Variants in SLC9A3 observed in about 807,000 individuals in gnomAD.
SLC9A3 encodes solute carrier family 9 member A3.
Under a neutral mutation model 86.8 loss-of-function variants are expected in SLC9A3, and 37 were observed. The ratio of observed to expected loss-of-function variants is 0.43; its 90% CI spans 0.33 to 0.56. The LOEUF (loss-of-function observed/expected upper bound fraction) is 0.56. Among genes scored for constraint, SLC9A3 ranks in the 20% least tolerant of loss-of-function variants. The pLI is 0.06. For missense variants in SLC9A3, 1,011 were observed against 1,171.9 expected, an observed-to-expected ratio of 0.86 and a Z score of 2.00; for synonymous variants, 581 against 528.3, an observed-to-expected ratio of 1.10 and a Z score of -1.37.
chr5:476,921 T>C (rs1351608110), intron 11 of SLC9A3, among the ~76,000 whole-genome samples: 3 of 152,234 alleles, frequency 2.0e-5, no homozygotes, highest in African/African-American at 4.8e-5. Flanking sequence ...CTTTCCTTAC[T>C]GGTCCCTCTC....
chr5:522,144 G>C lies in SLC9A3; in HGVS notation c.211+1968C>G, dbSNP rs139291953. 3.9e-3 allele frequency among the ~76,000 whole-genome samples: 601 copies of C among 152,266 alleles called. 1 individual carries two copies. The highest frequency in any genetic ancestry group is 5.9e-3 in the Non-Finnish European group (401 of 68,010). ...CCTTCCCAGGTGGAGCCAACAATCC[G>C]AGACAAAGACAGCCGCTGAGTGCTA... On this transcript the variant is annotated intron_variant, in intron 1 of 16. Coordinates refer to ENST00000264938, the MANE Select transcript of SLC9A3 (RefSeq NM_004174.4).
chr5:496,668 G>A lies in SLC9A3; in HGVS notation c.212-4597C>T, dbSNP rs1740034305. 6.6e-6 allele frequency among the ~76,000 whole-genome samples: 1 copy of A among 152,038 alleles called. No homozygotes were observed. Among genetic ancestry groups the A allele is most frequent in the African/African-American group, 2.4e-5 (1 of 41,390 alleles). On this transcript the variant is annotated intron_variant, in intron 1 of 16. Coordinates refer to ENST00000264938, the MANE Select transcript of SLC9A3 (RefSeq NM_004174.4). The surrounding 1 kb of genome is among the most constrained non-coding windows in gnomAD (Gnocchi z 4.7). Reference sequence around the variant, plus strand: ...TGGTCTTTTGTTTTATGGCTTCTGAGTTTTGTGTTATACTTAACAAAGCCA... The same window carrying A: ...TGGTCTTTTGTTTTATGGCTTCTGAATTTTGTGTTATACTTAACAAAGCCA...
Position 513,436 on chromosome 5 carries a change from G to T in SLC9A3, c.211+10676C>A, listed in dbSNP as rs566271449. On this transcript the variant is annotated intron_variant, in intron 1 of 16. Transcript: ENST00000264938. Reference sequence around the variant, plus strand: ...AGCCCCCACCCCCTGCTCTAACAGAGCTCAAGTGCCCCCTAAAAGCACGTG... The same window carrying T: ...AGCCCCCACCCCCTGCTCTAACAGATCTCAAGTGCCCCCTAAAAGCACGTG... Among the ~76,000 whole-genome samples, 177 of 152,308 alleles carry T rather than the reference G, an allele frequency of 1.2e-3. 1 individual carries two copies. The highest frequency in any genetic ancestry group is 2.2e-3 in the Non-Finnish European group (149 of 68,020).
chr5:486,181 C>T (rs1242513476), intron 3 of SLC9A3, among the ~76,000 whole-genome samples: 1 of 114,102 alleles, frequency 8.8e-6, no homozygotes, highest in African/African-American at 2.9e-5. Flanking sequence ...GGAAGCTGAC[C>T]CCACCCTTCC....
At chr5:492,411 T>A (rs915138446) in intron 1 of SLC9A3, among the ~76,000 whole-genome samples, 19 of 7,810 alleles carry the variant, frequency 2.4e-3, no homozygotes, top group Non-Finnish European at 2.7e-3. Context: ...GAGGTCGGGG[T>A]GGGACCTGCG....
rs1374843537 is a variant in SLC9A3 at position 472,002 on chromosome 5, G to A, written c.*1377C>T. 6.6e-6 allele frequency: 3 copies of A among 456,550 alleles called. No individual in the cohort carries two copies. Among genetic ancestry groups the A allele is most frequent in the Middle Eastern group, 3.2e-4 (1 of 3,098 alleles). 28.3% of individuals were successfully genotyped at this position (456,550 alleles called of 1,614,324 possible). ...ATAGTTTAATTTTCCTGAGCAAGGA[G>A]CTGCGAGTCTAGCTTTAGAAAAGCC... On this transcript the variant is annotated 3_prime_UTR_variant, in exon 17 of 17. Transcript: ENST00000264938.
intron 6 of SLC9A3, 29 bp from the exon 7 acceptor site, chr5:482,779 C>T: frequency 6.5e-7 from 1 of 1,546,272 alleles, no homozygotes; most frequent in East Asian, 2.4e-5. Context: ...GCACTCAGCT[C>T]CCCGGCCGCC....
chr5:473,769 C>T (rs976949464), intron 16 of SLC9A3, among the ~76,000 whole-genome samples: 2 of 152,220 alleles, frequency 1.3e-5, no homozygotes, highest in African/African-American at 4.8e-5. Flanking sequence ...GCTCAGAAAG[C>T]CCAGACCCCA....
At chr5:519,360 C>A (rs1478360178) in intron 1 of SLC9A3, among the ~76,000 whole-genome samples, 1 of 152,160 alleles carries the variant, frequency 6.6e-6, no homozygotes, top group African/African-American at 2.4e-5. Context: ...GAGTGGGTAG[C>A]AGATATGGTG....
chr5:480,964 A>G (rs1001691098), intron 9 of SLC9A3: 1 of 152,452 alleles, frequency 6.6e-6, no homozygotes, highest in African/African-American at 2.4e-5. Context: ...ATCTCGGCTC[A>G]CCGCAGCCTC....
chr5:474,973 A>G lies in SLC9A3; in HGVS notation c.2411T>C (p.Phe804Ser). The change falls in exon 16 of 17, where the codon TTC becomes TCC. Residue 804 changes from phenylalanine (F) to serine (S), a missense_variant. Phe to Ser is a radical substitution (Grantham distance 155, BLOSUM62 -2). Transcript: ENST00000264938. ...SPGTFCRLMP[F>S]RLSSKSVDSF... ...GTCCACGGACTTGCTGCTGAGGCGGAAGGGCATCAGGCGGCAGAAGGTGCC... is the reference window on the plus strand; with the variant it reads ...GTCCACGGACTTGCTGCTGAGGCGGGAGGGCATCAGGCGGCAGAAGGTGCC... The G allele has an allele frequency of 6.2e-7, 1 of 1,610,948 alleles. No homozygotes were observed.
At chr5:516,188 C>T (rs1378337020) in intron 1 of SLC9A3, among the ~76,000 whole-genome samples, 1 of 150,550 alleles carries the variant, frequency 6.6e-6, no homozygotes, top group Non-Finnish European at 1.5e-5. Context: ...CCAGGGATGG[C>T]TTCCTGACTG....
intron 1 of SLC9A3, among the ~76,000 whole-genome samples, chr5:501,702 A>AC (rs1489424639): frequency 6.6e-6 from 1 of 152,024 alleles, no homozygotes; most frequent in African/African-American, 2.4e-5. Flanking sequence ...GCACACTCTG[A>AC]CCTCAGTATC....
rs1053459458 is a variant in SLC9A3 at position 472,018 on chromosome 5, T to C, written c.*1361A>G. 5 of 456,506 alleles carry C rather than the reference T, an allele frequency of 1.1e-5. No homozygotes were observed. The highest frequency in any genetic ancestry group is 2.2e-5 in the Non-Finnish European group (5 of 226,952). The allele number at this position is 456,506 out of a possible 1,614,324, so 28.3% of individuals were successfully genotyped here. On this transcript the variant is annotated 3_prime_UTR_variant, in exon 17 of 17. Coordinates refer to ENST00000264938, the MANE Select transcript of SLC9A3 (RefSeq NM_004174.4). ...GAGCAAGGAGCTGCGAGTCTAGCTT[T>C]AGAAAAGCCCCTAGGAGTGTCCACC... is the stretch of plus-strand genomic sequence containing the variant.
intron 5 of SLC9A3, among the ~76,000 whole-genome samples, chr5:483,703 G>A (rs998470118): frequency 8.5e-5 from 13 of 152,260 alleles, no homozygotes; most frequent in African/African-American, 2.9e-4. Flanking sequence ...AATGGGCACC[G>A]GGGCTGCCTG....
chr5:483,749 T>A (rs1193720335), intron 5 of SLC9A3, among the ~76,000 whole-genome samples: 1 of 152,178 alleles, frequency 6.6e-6, no homozygotes, highest in African/African-American at 2.4e-5. Context: ...CCAAAGTCCC[T>A]CCCCACCTGA....
At position 482,556 on chromosome 5, in the gene SLC9A3, T is replaced by C; in HGVS notation, c.1348A>G (p.Ile450Val). ...TTIIVVFFTV[I>V]FQGLTIKPLV... is the part of the protein sequence containing the mutation. ...GCTGGGCTGGGCCTCACCTGGAAGA[T>C]GACGGTGAAGAACACTACGATGATG... Residue 450 changes from isoleucine (I) to valine (V), a missense_variant, in exon 7 of 17, where the codon ATC becomes GTC. By Grantham distance (29) the Ile-to-Val change is conservative. Around this residue, in one of 3 missense-constraint regions of SLC9A3, gnomAD observed 565 missense variants for 790.0 expected, o/e 0.72. Coordinates refer to ENST00000264938, the MANE Select transcript of SLC9A3 (RefSeq NM_004174.4). 1 of 1,610,402 alleles carries C rather than the reference T, an allele frequency of 6.2e-7. No individual in the cohort carries two copies. Among genetic ancestry groups the C allele is most frequent in the Non-Finnish European group, 8.5e-7 (1 of 1,177,930 alleles).
At chr5:473,733 G>T (rs1157429961) in intron 16 of SLC9A3, among the ~76,000 whole-genome samples, 1 of 152,200 alleles carries the variant, frequency 6.6e-6, no homozygotes, top group East Asian at 1.9e-4. Context: ...GGCGTCCCCC[G>T]GGTGCCTCCC....
intron 1 of SLC9A3, among the ~76,000 whole-genome samples, chr5:493,218 G>C (rs1295215195): frequency 6.6e-6 from 1 of 152,226 alleles, no homozygotes; most frequent in Admixed American, 6.5e-5. Context: ...GTGATGTAAG[G>C]GATAATGAGC....
Sources: allele counts gnomAD v4.1 joint callset (sites outside exome capture counted in the v4.1 genomes callset), GRCh38; gene constraint gnomAD v4.1.1; regional missense constraint gnomAD v4.1.1; non-coding constraint Gnocchi (gnomAD v3.1); transcripts MANE v1.5; gene names NCBI Gene and HGNC (gene_info 2026-07-23, HGNC 2026-07-21).